The following MCF2L variants were observed in gnomAD, a reference collection of about 807,000 sequenced individuals.
MCF2L encodes the protein guanine nucleotide exchange factor DBS.
In MCF2L, 97 loss-of-function variants were observed where a neutral mutation model predicts 153.4. The observed-to-expected ratio is 0.63, with a 90% CI of 0.54 to 0.75. The LOEUF (loss-of-function observed/expected upper bound fraction) is 0.75, where lower values mean the gene tolerates loss of function less well. Among genes scored for constraint, MCF2L ranks in the 30% least tolerant of loss-of-function variants. The pLI is 0.00. For synonymous variants in MCF2L, 659 were observed against 632.2 expected, an observed-to-expected ratio of 1.04 and a Z score of -0.64; for missense variants, 1,347 against 1,495.2, an observed-to-expected ratio of 0.90 and a Z score of 1.64.
intron 3 of MCF2L, among the ~76,000 whole-genome samples, chr13:113,041,786 G>C (rs1281343337): frequency 6.6e-6 from 1 of 152,212 alleles, no homozygotes. Flanking sequence ...GGTGGGGGCT[G>C]CGCAGGGCAG....
intron 2 of MCF2L, chr13:112,957,598 T>C (rs1202156248): frequency 6.6e-6 from 1 of 150,888 alleles, no homozygotes; most frequent in Non-Finnish European, 1.5e-5. Context: ...TTCAAGGTCT[T>C]ATTCCAGTCA....
At chr13:113,009,015 C>T (rs1182268651) in intron 1 of MCF2L, 1 of 152,258 alleles carries the variant, frequency 6.6e-6, no homozygotes, top group Non-Finnish European at 1.5e-5. Context: ...GAGAGCGAAG[C>T]TCTGGAGACG....
At chr13:113,079,465 A>G (rs938483954) in intron 15 of MCF2L, among the ~76,000 whole-genome samples, 10 of 152,166 alleles carry the variant, frequency 6.6e-5, no homozygotes, top group Non-Finnish European at 1.2e-4. Context: ...TTTGCACTGA[A>G]TATGTTTGCA....
At chr13:113,094,819 G>A in intron 27 of MCF2L, 184 bp downstream of exon 27, 2 of 1,058,364 alleles carry the variant, frequency 1.9e-6, no homozygotes, top group Non-Finnish European at 1.4e-6. Flanking sequence ...TCTCTGGAAG[G>A]TCCACCCAGA....
chr13:112,926,627 G>A (rs1238858648), intron 2 of MCF2L, among the ~76,000 whole-genome samples: 3 of 152,312 alleles, frequency 2.0e-5, no homozygotes, highest in East Asian at 3.9e-4. Context: ...GTGCTGTATA[G>A]CCTTGGAAAA....
chr13:112,968,465 A>G, upstream of MCF2L: 1 of 1,589,468 alleles, frequency 6.3e-7, no homozygotes, highest in Non-Finnish European at 8.5e-7. Context: ...GGTGCCAACC[A>G]TGGCGAGGGT....
chr13:112,935,713 T>C (rs1425238064), intron 2 of MCF2L, among the ~76,000 whole-genome samples: 1 of 152,232 alleles, frequency 6.6e-6, no homozygotes, highest in Admixed American at 6.5e-5. Flanking sequence ...ACTTTCAGCG[T>C]ACACTGGGTT....
chr13:113,013,554 C>A (rs2084311476), intron 1 of MCF2L, among the ~76,000 whole-genome samples: 1 of 152,234 alleles, frequency 6.6e-6, no homozygotes, highest in South Asian at 2.1e-4. Context: ...AGATTTAAGT[C>A]TGATGCCAGG....
chr13:113,078,734 G>T lies in MCF2L; in HGVS notation c.1803G>T (p.Leu601=), dbSNP rs764278362. 6.2e-7 allele frequency: 1 copy of T among 1,600,182 alleles called. No individual in the cohort carries two copies. Among genetic ancestry groups the T allele is most frequent in the Non-Finnish European group, 8.5e-7 (1 of 1,177,186 alleles). Reference sequence around the variant, plus strand: ...AGGAGGAGGAAAGCCTGGCCATCCTGCGCAGGTGGGTGCGCTGCCCTTCTG... The same window carrying T: ...AGGAGGAGGAAAGCCTGGCCATCCTTCGCAGGTGGGTGCGCTGCCCTTCTG... ...AGEEEESLAI[L]RRHVMSELLD... The change falls in exon 15 of 30, where the codon CTG becomes CTT. Residue 601 remains leucine (L), a synonymous_variant. Coordinates refer to ENST00000535094, the MANE Select transcript of MCF2L (RefSeq NM_001112732.3).
At chr13:112,988,571 C>T (rs1219400131) in intron 1 of MCF2L, among the ~76,000 whole-genome samples, 2 of 149,702 alleles carry the variant, frequency 1.3e-5, no homozygotes, top group Non-Finnish European at 3.0e-5. Flanking sequence ...CCTCCCTGAG[C>T]AGGGGATGGG....
At chr13:112,906,781 C>T (rs374568700) in intron 2 of MCF2L, among the ~76,000 whole-genome samples, 29 of 152,318 alleles carry the variant, frequency 1.9e-4, no homozygotes, top group African/African-American at 4.6e-4. Flanking sequence ...GAGGTGCCCC[C>T]GGCACAGGCG....
upstream of MCF2L, among the ~76,000 whole-genome samples, chr13:112,964,495 T>C (rs983545390): frequency 2.2e-4 from 33 of 152,218 alleles, no homozygotes; most frequent in African/African-American, 7.7e-4. Context: ...ACACGGCACA[T>C]ATAAAAATCA....
At chr13:112,934,492 C>T (rs927426454) in intron 2 of MCF2L, among the ~76,000 whole-genome samples, 1 of 147,400 alleles carries the variant, frequency 6.8e-6, no homozygotes, top group African/African-American at 2.5e-5. Context: ...CTGGGCCCCA[C>T]ATCCAGAGTC....
chr13:112,897,849 C>A (rs1322413799), intron 1 of MCF2L, among the ~76,000 whole-genome samples: 1 of 152,152 alleles, frequency 6.6e-6, no homozygotes, highest in Non-Finnish European at 1.5e-5. Context: ...TGCTGACTGG[C>A]AGTGGGGACT....
rs551439088 is a variant in MCF2L at position 113,097,415 on chromosome 13, C to T, written c.*556C>T. 2.0e-5 allele frequency: 3 copies of T among 151,812 alleles called. No individual in the cohort carries two copies. The highest frequency in any genetic ancestry group is 4.4e-5 in the Non-Finnish European group (3 of 67,952). The allele number at this position is 151,812 out of a possible 1,614,324, so 9.4% of individuals were successfully genotyped here. A position where few individuals can be genotyped will look rare whatever the true frequency, so the allele number is the denominator to read the frequency against. On this transcript the variant is annotated 3_prime_UTR_variant, in exon 30 of 30. Transcript: ENST00000535094. Reference sequence around the variant, plus strand: ...TGATAGAAAACTATTTTTTTGTTACCGGGGTTTACATAGAAGCACGTTGTT... The same window carrying T: ...TGATAGAAAACTATTTTTTTGTTACTGGGGTTTACATAGAAGCACGTTGTT...
At chr13:113,050,456 ACT>A (rs1036517046) in intron 4 of MCF2L, among the ~76,000 whole-genome samples, 14 of 151,088 alleles carry the variant, frequency 9.3e-5, no homozygotes, top group African/African-American at 3.4e-4. Context: ...TGGGGCCACA[ACT>A]CTCTTTCCTG....
intron 1 of MCF2L, among the ~76,000 whole-genome samples, chr13:112,982,082 C>T (rs1019706488): frequency 6.6e-6 from 1 of 152,144 alleles, no homozygotes; most frequent in South Asian, 2.1e-4. Context: ...TCTGAGGGGT[C>T]GGGCAGTGGG....
chr13:113,044,523 C>T (rs2086682089), intron 3 of MCF2L: 1 of 1,087,036 alleles, frequency 9.2e-7, no homozygotes, highest in Non-Finnish European at 1.3e-6. Flanking sequence ...TAGCCCCTGC[C>T]TTAGGCATGC....
chr13:112,939,861 G>A (rs571390138), intron 2 of MCF2L, among the ~76,000 whole-genome samples: 16 of 152,066 alleles, frequency 1.1e-4, no homozygotes, highest in African/African-American at 3.6e-4. Context: ...TCCCAGCTAC[G>A]TGGGAGGCTG....
Sources: allele counts gnomAD v4.1 joint callset (sites outside exome capture counted in the v4.1 genomes callset), GRCh38; gene constraint gnomAD v4.1.1; transcripts MANE v1.5; gene names NCBI Gene and HGNC (gene_info 2026-07-23, HGNC 2026-07-21).